The following BICRAL variants were observed in gnomAD, a reference collection of about 807,000 sequenced individuals.
BICRAL encodes the protein BICRA like chromatin remodeling complex associated protein.
A neutral mutation model predicts 91.8 loss-of-function variants in BICRAL; 8 were observed. The ratio of observed to expected loss-of-function variants is 0.09; its 90% confidence interval spans 0.05 to 0.16. The LOEUF (loss-of-function observed/expected upper bound fraction) is 0.16, where lower values mean the gene tolerates loss of function less well. Among genes scored for constraint, BICRAL ranks in the 10% least tolerant of loss-of-function variants. The probability of loss-of-function intolerance (pLI) is 1.00; values close to 1 mark genes in which losing one functional copy is unlikely to be tolerated. For missense variants in BICRAL, 1,038 were observed against 1,310.9 expected, an observed-to-expected ratio of 0.79 and a Z score of 3.21; for synonymous variants, 445 against 491.1, an observed-to-expected ratio of 0.91 and a Z score of 1.24.
chr6:42,789,811 C>T (rs1042837556), intron 1 of BICRAL, among the ~76,000 whole-genome samples: 1 of 152,066 alleles, frequency 6.6e-6, no homozygotes, highest in Admixed American at 6.6e-5. Flanking sequence ...CACCTATAGA[C>T]GTAGAGATTG....
chr6:42,851,439 T>C (rs1765177687), intron 6 of BICRAL, among the ~76,000 whole-genome samples: 1 of 152,160 alleles, frequency 6.6e-6, no homozygotes, highest in Non-Finnish European at 1.5e-5. Context: ...TTAAACATTA[T>C]CCATTTCATC....
chr6:42,816,350 C>CA lies in BICRAL; in HGVS notation c.-5-5655dup, dbSNP rs1255476201. On this transcript the variant is annotated intron_variant, in intron 2 of 12. Transcript: ENST00000314073. ...GCAACATAATGAAACCCTGTCTCTT[C>CA]AAAAAAAAAAAAAGTTCTGAGTATT... 4.3e-3 allele frequency among the ~76,000 whole-genome samples: 577 copies of CA among 133,946 alleles called. 2 individuals carry two copies. The highest frequency in any genetic ancestry group is 6.9e-3 in the African/African-American group (253 of 36,452). 87.9% of individuals were successfully genotyped at this position (133,946 alleles called of 152,430 possible).
At position 42,828,168 on chromosome 6, in the gene BICRAL, C is replaced by A. The variant is rs145857859; in HGVS notation, c.160-325C>A. On this transcript the variant is annotated intron_variant, in intron 5 of 12. Coordinates refer to ENST00000314073, the MANE Select transcript of BICRAL (RefSeq NM_001393499.1). ...GTGGCTCACTCCTGTAATCCCAGCACTTTGGGAGGCCGAGGCGGGCAGATC... is the reference window on the plus strand; with the variant it reads ...GTGGCTCACTCCTGTAATCCCAGCAATTTGGGAGGCCGAGGCGGGCAGATC... 4.6e-3 allele frequency among the ~76,000 whole-genome samples: 702 copies of A among 152,036 alleles called. 40 individuals are homozygous for A. The East Asian group carries it at 0.1, about 22-fold the overall frequency.
intron 10 of BICRAL, among the ~76,000 whole-genome samples, chr6:42,858,049 G>T (rs535121570): frequency 1.3e-5 from 2 of 149,088 alleles, no homozygotes; most frequent in Non-Finnish European, 3.0e-5. Context: ...GACCTCAGGT[G>T]ATTGGCCCGC....
chr6:42,829,654 C>A lies in BICRAL; in HGVS notation c.1321C>A (p.His441Asn). ...QLISGQVASEHVMLNRNSSNM... is the reference protein window; with the variant it reads ...QLISGQVASENVMLNRNSSNM... ...CATTTCTGGCCAAGTGGCCTCAGAG[C>A]ATGTCATGTTGAACAGAAACTCTTC... The change falls in exon 6 of 13, where the codon CAT becomes AAT. Residue 441 changes from histidine to asparagine, a missense_variant. This residue lies in a region of BICRAL where 532 missense variants were observed against 724.9 expected (regional missense o/e 0.73). Transcript: ENST00000314073. 6.2e-7 allele frequency: 1 copy of A among 1,614,208 alleles called. No individual in the cohort carries two copies. The highest frequency in any genetic ancestry group is 1.1e-5 in the South Asian group (1 of 91,090).
At chr6:42,832,367 T>A (rs1341965646) in intron 6 of BICRAL, among the ~76,000 whole-genome samples, 1 of 146,776 alleles carries the variant, frequency 6.8e-6, no homozygotes, top group Non-Finnish European at 1.5e-5. Context: ...AGTATATATA[T>A]TATATATATA....
At chr6:42,803,615 G>A (rs1315440973) in intron 1 of BICRAL, among the ~76,000 whole-genome samples, 7 of 152,162 alleles carry the variant, frequency 4.6e-5, no homozygotes, top group Non-Finnish European at 1.0e-4. Flanking sequence ...ACAGTTATTA[G>A]GCATGTATGT....
chr6:42,747,800 A>AT (rs1190497772), intron 1 of BICRAL, among the ~76,000 whole-genome samples: 60 of 112,954 alleles, frequency 5.3e-4, no homozygotes, highest in African/African-American at 1.8e-3. Flanking sequence ...TTTTTGTTTT[A>AT]TTTTGTTTTT....
chr6:42,785,697 T>C lies in BICRAL; in HGVS notation c.-102+3596T>C, dbSNP rs905311680. Among the ~76,000 whole-genome samples, 4 of 152,188 alleles carry C rather than the reference T, an allele frequency of 2.6e-5. No homozygotes were observed. In the East Asian group the frequency reaches 5.8e-4, roughly 22 times the overall value. On this transcript the variant is annotated intron_variant, in intron 1 of 12. Coordinates refer to ENST00000314073, the MANE Select transcript of BICRAL (RefSeq NM_001393499.1). ...TCCTGAATTTTGAATTGTGGACATA[T>C]CTTCTGGGTTTTGGGAAGTAGGATA...
intron 6 of BICRAL, among the ~76,000 whole-genome samples, chr6:42,830,918 T>A (rs902243104): frequency 1.3e-5 from 2 of 152,226 alleles, no homozygotes; most frequent in African/African-American, 4.8e-5. Context: ...ACCTTTTTTC[T>A]TAAAATTTTT....
intron 1 of BICRAL, among the ~76,000 whole-genome samples, chr6:42,788,299 A>G (rs1175572199): frequency 1.4e-5 from 2 of 141,000 alleles, no homozygotes; most frequent in African/African-American, 5.4e-5. Context: ...ATCTCAGCTC[A>G]CTGCAACCTC....
In BICRAL at chr6:42,829,557, T is replaced by G; in HGVS notation, c.1224T>G (p.Ser408=). ...AGTTCCTTATACCTACAAGCCTTTCTGTCAGTTCCAACTCGGTACACCACG... is the reference window on the plus strand; with the variant it reads ...AGTTCCTTATACCTACAAGCCTTTCGGTCAGTTCCAACTCGGTACACCACG... The part of the protein sequence containing the change: ...QSQFLIPTSL[S]VSSNSVHHVQ... The change falls in exon 6 of 13, where the codon TCT becomes TCG. Residue 408 remains serine, a synonymous_variant. Transcript: ENST00000314073. 1 of 1,614,232 alleles carries G rather than the reference T, an allele frequency of 6.2e-7. No individual in the cohort carries two copies. Among genetic ancestry groups the G allele is most frequent in the South Asian group, 1.1e-5 (1 of 91,084 alleles).
intron 1 of BICRAL, among the ~76,000 whole-genome samples, chr6:42,810,067 G>A (rs1259897329): frequency 6.6e-6 from 1 of 152,194 alleles, no homozygotes; most frequent in Non-Finnish European, 1.5e-5. Context: ...GATTACAGGC[G>A]TGAGCCACTA....
At chr6:42,775,781 T>G (rs1370094126) in intron 1 of BICRAL, among the ~76,000 whole-genome samples, 2 of 152,236 alleles carry the variant, frequency 1.3e-5, no homozygotes, top group Admixed American at 6.5e-5. Flanking sequence ...AAACATGTCA[T>G]TTAATATAGA....
At chr6:42,753,514 G>C (rs1419201418) in intron 1 of BICRAL, among the ~76,000 whole-genome samples, 5 of 152,150 alleles carry the variant, frequency 3.3e-5, no homozygotes, top group Non-Finnish European at 7.4e-5. Flanking sequence ...AGCACGTAAG[G>C]GTCCTGGAAA....
chr6:42,846,053 C>T (rs537932490), intron 6 of BICRAL, among the ~76,000 whole-genome samples: 1 of 132,120 alleles, frequency 7.6e-6, no homozygotes, highest in Non-Finnish European at 1.6e-5. Context: ...TAGAGTGAGA[C>T]TCCATCTCAA....
intron 1 of BICRAL, among the ~76,000 whole-genome samples, chr6:42,806,039 T>C (rs1402925029): frequency 6.6e-6 from 1 of 151,868 alleles, no homozygotes; most frequent in African/African-American, 2.4e-5. Context: ...AGCAATTATT[T>C]GGTGGGAAAG....
chr6:42,828,350 G>A (rs548723344), intron 5 of BICRAL, 143 bp from the exon 6 acceptor site: 18 of 662,878 alleles, frequency 2.7e-5, no homozygotes, highest in East Asian at 1.2e-4. Context: ...GCAGTGAGCC[G>A]AGATCACGCC....
chr6:42,830,283 A>G, intron 6 of BICRAL, 111 bp downstream of exon 6: 1 of 1,198,618 alleles, frequency 8.3e-7, no homozygotes, highest in South Asian at 1.5e-5. Flanking sequence ...TAAAAATTTT[A>G]GGCCAGGTGT....
Sources: allele counts gnomAD v4.1 joint callset (sites outside exome capture counted in the v4.1 genomes callset), GRCh38; gene constraint gnomAD v4.1.1; regional missense constraint gnomAD v4.1.1; transcripts MANE v1.5; gene names NCBI Gene and HGNC (gene_info 2026-07-23, HGNC 2026-07-21).